Variants in ECI2 observed in about 807,000 individuals in gnomAD.
The protein encoded by ECI2 is D3,D2-enoyl-CoA isomerase.
Under a neutral mutation model 38.4 loss-of-function variants are expected in ECI2, and 27 were observed. The ratio of observed to expected loss-of-function variants is 0.70; its 90% CI spans 0.52 to 0.97. The LOEUF is 0.97. ECI2 is among the 50% of genes least tolerant of loss of function. The probability of loss-of-function intolerance (pLI) is 0.00; values close to 1 mark genes in which losing one functional copy is unlikely to be tolerated. For synonymous variants in ECI2, 168 were observed against 172.0 expected, an observed-to-expected ratio of 0.98 and a Z score of 0.18; for missense variants, 470 against 474.4, an observed-to-expected ratio of 0.99 and a Z score of 0.09.
chr6:4,133,803 T>C (rs1773605781), intron 1 of ECI2, 92 bp from the exon 2 acceptor site: 1 of 1,398,026 alleles, frequency 7.2e-7, no homozygotes, highest in Admixed American at 2.9e-5. Flanking sequence ...CATAACAAAA[T>C]GCCATGTTTG....
intron 4 of ECI2, among the ~76,000 whole-genome samples, chr6:4,128,677 C>A (rs1215833709): frequency 6.6e-6 from 1 of 152,194 alleles, no homozygotes; most frequent in Non-Finnish European, 1.5e-5. Context: ...CAGGCTTTTT[C>A]TCTTATCATT....
intron 1 of ECI2, 167 bp downstream of exon 1, chr6:4,135,344 G>C (rs1236510108): frequency 6.8e-7 from 1 of 1,475,476 alleles, no homozygotes; most frequent in Non-Finnish European, 9.0e-7. Flanking sequence ...GAGGGCGCGC[G>C]TGAGGTCGTC....
chr6:4,125,173 G>T, intron 7 of ECI2, 77 bp downstream of exon 7: 1 of 1,575,148 alleles, frequency 6.3e-7, no homozygotes, highest in Non-Finnish European at 8.6e-7. Context: ...CTTATGACTG[G>T]CAACGCTGAA....
chr6:4,125,161 T>C lies in ECI2; in HGVS notation c.795+89A>G, dbSNP rs1461451437. On this transcript the variant is annotated intron_variant, in intron 7 of 9. Transcript: ENST00000380118. Reference sequence around the variant, plus strand: ...ATTCTACCACAAACAACATGTAACCTGCTTATGACTGGCAACGCTGAAGGA... The same window carrying C: ...ATTCTACCACAAACAACATGTAACCCGCTTATGACTGGCAACGCTGAAGGA... 15 of 1,556,416 alleles carry C rather than the reference T, an allele frequency of 9.6e-6. No homozygotes were observed. The Admixed American group carries it at 2.4e-4, about 24-fold the overall frequency.
At chr6:4,123,621 T>A (rs1350428364) in intron 7 of ECI2, among the ~76,000 whole-genome samples, 1 of 151,574 alleles carries the variant, frequency 6.6e-6, no homozygotes, top group Non-Finnish European at 1.5e-5. Flanking sequence ...TTTTCTGATT[T>A]CAACATTTAT....
chr6:4,135,446 C>T (rs1773678252), intron 1 of ECI2, 65 bp downstream of exon 1: 1 of 1,609,352 alleles, frequency 6.2e-7, no homozygotes, highest in Non-Finnish European at 8.5e-7. Flanking sequence ...ACGGCGGCGA[C>T]CTTCGCCTGG....
intron 7 of ECI2, among the ~76,000 whole-genome samples, chr6:4,123,173 T>C (rs1772917403): frequency 6.6e-6 from 1 of 152,138 alleles, no homozygotes; most frequent in Non-Finnish European, 1.5e-5. Context: ...ATTTTATTTA[T>C]TTTTTACTTA....
At chr6:4,121,930 T>C (rs201715870) in intron 7 of ECI2, 64 of 1,463,432 alleles carry the variant, frequency 4.4e-5, no homozygotes, top group African/African-American at 7.1e-5. Context: ...GTCATGTATC[T>C]TCTTTTTTTA....
At position 4,127,910 on chromosome 6, in the gene ECI2, G is replaced by A. The variant is rs111259491; in HGVS notation, c.502-79C>T. 2.9e-6 allele frequency: 4 copies of A among 1,400,264 alleles called. No homozygotes were observed. In the African/African-American group the frequency reaches 4.3e-5, roughly 15 times the overall value. The allele number at this position is 1,400,264 out of a possible 1,614,324, so 86.7% of individuals were successfully genotyped here. On this transcript the variant is annotated intron_variant, in intron 4 of 9. Coordinates refer to ENST00000380118, the MANE Select transcript of ECI2 (RefSeq NM_206836.3). ...AATCAATGGACTCAACAAATGTCAG[G>A]CTGCAAGCTTGCTCTCAGCAAAGTG...
chr6:4,117,445 C>T lies in ECI2; in HGVS notation c.892G>A (p.Glu298Lys). The stretch of plus-strand genomic sequence containing the variant: ...AACTTCTTTCCAAAAATAAGCATCT[C>T]TGTTGCCTGAAATGAAAAGCAAGAA... ...PKIMSPAKATEMLIFGKKLTA... is the reference protein window; with the variant it reads ...PKIMSPAKATKMLIFGKKLTA... Residue 298 changes from glutamate to lysine, a missense_variant, in exon 9 of 10, where the codon GAG becomes AAG. By Grantham distance (56) the Glu-to-Lys change is moderately conservative (BLOSUM62 1). Coordinates refer to ENST00000380118, the MANE Select transcript of ECI2 (RefSeq NM_206836.3). 1 of 1,609,870 alleles carries T rather than the reference C, an allele frequency of 6.2e-7. No individual in the cohort carries two copies. The highest frequency in any genetic ancestry group is 8.5e-7 in the Non-Finnish European group (1 of 1,179,042).
At chr6:4,117,812 A>G (rs1772385110) in intron 8 of ECI2, 1 of 166,788 alleles carries the variant, frequency 6.0e-6, no homozygotes, top group African/African-American at 2.4e-5. Context: ...AAAGGAGAGA[A>G]AAATTACGGT....
At chr6:4,131,982 C>G (rs1310196935) in intron 2 of ECI2, among the ~76,000 whole-genome samples, 1 of 152,132 alleles carries the variant, frequency 6.6e-6, no homozygotes, top group Non-Finnish European at 1.5e-5. Flanking sequence ...TTAGAGGGAA[C>G]ACAGTCCACA....
chr6:4,131,405 C>A (rs1489545303), intron 2 of ECI2, among the ~76,000 whole-genome samples: 1 of 151,950 alleles, frequency 6.6e-6, no homozygotes, highest in African/African-American at 2.4e-5. Context: ...AAGTAAAAAG[C>A]AAAAAGGAAT....
At position 4,121,927 on chromosome 6, in the gene ECI2, ATCT is replaced by A. The variant is rs771365986; in HGVS notation, c.796-2655_796-2653del. The A allele has an allele frequency of 3.7e-5, 52 of 1,405,654 alleles. No individual in the cohort carries two copies. In the African/African-American group the frequency reaches 4.9e-4, roughly 13 times the overall value. 87.1% of individuals were successfully genotyped at this position (1,405,654 alleles called of 1,614,324 possible). A position where few individuals can be genotyped will look rare whatever the true frequency, so the allele number is the denominator to read the frequency against. On this transcript the variant is annotated intron_variant, in intron 7 of 9. Transcript: ENST00000380118. ...TTAAAAGTTTCTGTTAATGTCATGT[ATCT>A]TCTTTTTTTATCCAAAAGAAAACTT...
At chr6:4,131,444 T>C (rs937253623) in intron 2 of ECI2, among the ~76,000 whole-genome samples, 8 of 151,840 alleles carry the variant, frequency 5.3e-5, no homozygotes, top group Non-Finnish European at 1.0e-4. Flanking sequence ...CTAGGTGGAG[T>C]GGGTGTTTTG....
chr6:4,122,604 T>A (rs917692355), intron 7 of ECI2, among the ~76,000 whole-genome samples: 17 of 152,118 alleles, frequency 1.1e-4, no homozygotes, highest in Admixed American at 6.5e-4. Flanking sequence ...CCAGCCTTAC[T>A]CTTGCCTCAG....
Position 4,117,412 on chromosome 6 carries a change from C to T in ECI2, c.925G>A (p.Gly309Arg). 1.2e-6 allele frequency: 2 copies of T among 1,613,840 alleles called. No homozygotes were observed. Among genetic ancestry groups the T allele is most frequent in the Non-Finnish European group, 1.7e-6 (2 of 1,179,948 alleles). ...ACAAGTCCTTGAGCACATGCCTCTC[C>T]CGCTGTTAACTTCTTTCCAAAAATA... ...MLIFGKKLTA[G>R]EACAQGLVTE... The change falls in exon 9 of 10, where the codon GGA (glycine) becomes AGA (arginine). Residue 309 changes from glycine to arginine, a missense_variant. By Grantham distance (125) the Gly-to-Arg change is moderately radical (BLOSUM62 -2). Coordinates refer to ENST00000380118, the MANE Select transcript of ECI2 (RefSeq NM_206836.3).
intron 7 of ECI2, chr6:4,122,135 G>A (rs896316954): frequency 7.9e-5 from 55 of 698,406 alleles, no homozygotes; most frequent in South Asian, 1.3e-4. Flanking sequence ...AGGCTCTGGC[G>A]TCAGACTACT....
intron 7 of ECI2, among the ~76,000 whole-genome samples, chr6:4,123,819 A>T (rs1202288188): frequency 2.0e-5 from 3 of 151,956 alleles, no homozygotes; most frequent in Admixed American, 6.6e-5. Flanking sequence ...ATACAAAAAA[A>T]TTAGCTCGAT....
Sources: allele counts gnomAD v4.1 joint callset (sites outside exome capture counted in the v4.1 genomes callset), GRCh38; gene constraint gnomAD v4.1.1; transcripts MANE v1.5; gene names NCBI Gene and HGNC (gene_info 2026-07-23, HGNC 2026-07-21).